The following TTC39A variants were observed in gnomAD, a reference collection of about 807,000 sequenced individuals.
TTC39A encodes the protein tetratricopeptide repeat protein 39A.
A neutral mutation model predicts 82.3 loss-of-function variants in TTC39A; 46 were observed. That is an observed-to-expected ratio of 0.56 (90% confidence interval 0.44 to 0.71). The LOEUF (loss-of-function observed/expected upper bound fraction) is 0.71, where lower values mean the gene tolerates loss of function less well. Ranked by LOEUF, TTC39A falls within the 30% of genes least tolerant of loss-of-function variation. The probability of loss-of-function intolerance (pLI) is 0.00; values close to 1 mark genes in which losing one functional copy is unlikely to be tolerated. For missense variants in TTC39A, 543 were observed against 712.9 expected, an observed-to-expected ratio of 0.76 and a Z score of 2.71; for synonymous variants, 254 against 275.2, an observed-to-expected ratio of 0.92 and a Z score of 0.76.
chr1:51,305,207 A>G, intron 7 of TTC39A, 61 bp from the exon 8 acceptor site: 1 of 1,535,640 alleles, frequency 6.5e-7, no homozygotes, highest in Non-Finnish European at 9.0e-7. Flanking sequence ...GGCCACCCCC[A>G]CTGTCCCAAG....
At position 51,321,176 on chromosome 1, in the gene TTC39A, A is replaced by C. The variant is rs1173850786; in HGVS notation, c.146+545T>G. ...AGCGTGAGCCACCACGCCCAGCCCA[A>C]TAAATGTTTTAAAGTGATAAGAAAG... On this transcript the variant is annotated intron_variant, in intron 2 of 17. Transcript: ENST00000680483. This position sits in a 1 kb window ranked among gnomAD's most constrained non-coding sequence, Gnocchi z 4.6. Among the ~76,000 whole-genome samples, 1 of 152,224 alleles carries C rather than the reference A, an allele frequency of 6.6e-6. No homozygotes were observed. The highest frequency in any genetic ancestry group is 2.4e-5 in the African/African-American group (1 of 41,454).
rs774311868 is a variant in TTC39A at position 51,311,286 on chromosome 1, G to A, written c.391C>T (p.Leu131=). 6.9e-6 allele frequency: 11 copies of A among 1,587,536 alleles called. No homozygotes were observed. The highest frequency in any genetic ancestry group is 1.8e-5 in the Admixed American group (1 of 55,942). Residue 131 remains leucine (L), a synonymous_variant, in exon 5 of 18, where the codon CTG becomes TTG. Coordinates refer to ENST00000680483, the MANE Select transcript of TTC39A (RefSeq NM_001297663.2). ...IHAEVCYAEC[L]LQRAALTFLQ... ...AAGGTCAGGGCTGCTCGCTGCAGCA[G>A]GCACTCTGCATAGCAGACCTCAGCG...
At chr1:51,299,424 A>AG (rs757762040) in intron 12 of TTC39A, 3 of 152,244 alleles carry the variant, frequency 2.0e-5, no homozygotes, top group Admixed American at 2.0e-4. Flanking sequence ...ATCCTGGCAG[A>AG]GGGGGGCGCT....
At chr1:51,344,915 C>T (rs79266992) in intron 1 of TTC39A, 113,772 of 1,498,134 alleles carry the variant, frequency 0.076, 4,983 homozygotes, top group Non-Finnish European at 0.089. Context: ...GCTGTTTCCC[C>T]GACGTCGGCT....
intron 2 of TTC39A, among the ~76,000 whole-genome samples, chr1:51,316,552 G>A (rs531695450): frequency 1.2e-3 from 176 of 152,280 alleles, no homozygotes; most frequent in African/African-American, 4.1e-3. Context: ...CACTGCCACT[G>A]AGCAATGCTG....
chr1:51,300,265 T>C (rs974805936), intron 12 of TTC39A: 1 of 152,166 alleles, frequency 6.6e-6, no homozygotes, highest in Non-Finnish European at 1.5e-5. Flanking sequence ...GTGCCAGACA[T>C]GTTGAGAGCT....
At chr1:51,302,611 C>T (rs1473154361) in intron 9 of TTC39A, 38 bp from the exon 10 acceptor site, 1 of 1,569,974 alleles carries the variant, frequency 6.4e-7, no homozygotes, top group South Asian at 1.2e-5. Context: ...AACATGTCAC[C>T]ACCCCTGGCT....
chr1:51,291,152 G>A (rs1219398638), intron 14 of TTC39A, among the ~76,000 whole-genome samples: 2 of 152,120 alleles, frequency 1.3e-5, no homozygotes, highest in Admixed American at 1.3e-4. Flanking sequence ...AAACACATCT[G>A]ATTCCTTTTA....
At chr1:51,336,381 A>C (rs535173454) in intron 1 of TTC39A, among the ~76,000 whole-genome samples, 1 of 152,102 alleles carries the variant, frequency 6.6e-6, no homozygotes, top group Admixed American at 6.5e-5. Flanking sequence ...CCCACCAGAT[A>C]TAAAGGGGAG....
chr1:51,331,202 G>A (rs748138188), upstream of TTC39A: 27 of 1,550,144 alleles, frequency 1.7e-5, no homozygotes, highest in Non-Finnish European at 2.4e-5. Context: ...TGAATCCAAA[G>A]CCAACACTCT....
intron 4 of TTC39A, among the ~76,000 whole-genome samples, chr1:51,311,563 C>T (rs1557723838): frequency 2.0e-5 from 3 of 152,164 alleles, no homozygotes; most frequent in African/African-American, 7.2e-5. Flanking sequence ...CACTGTGGGG[C>T]GTTAGAACCT....
At chr1:51,317,540 G>A (rs1645333565) in intron 2 of TTC39A, among the ~76,000 whole-genome samples, 2 of 152,262 alleles carry the variant, frequency 1.3e-5, no homozygotes, top group South Asian at 4.1e-4. Flanking sequence ...CCTGAGGTCA[G>A]GAGTTGGAGG....
chr1:51,342,322 T>C (rs1363789472), intron 1 of TTC39A, among the ~76,000 whole-genome samples: 5 of 152,232 alleles, frequency 3.3e-5, no homozygotes, highest in Admixed American at 1.3e-4. Flanking sequence ...GAAGGAAGAT[T>C]ACCTCATAAC....
At chr1:51,306,137 A>G (rs1257877404) in intron 6 of TTC39A, 61 bp from the exon 7 acceptor site, 1 of 1,425,278 alleles carries the variant, frequency 7.0e-7, no homozygotes, top group African/African-American at 1.4e-5. Flanking sequence ...AGGGGCTGGG[A>G]CCCCTTCCAG....
At chr1:51,325,506 G>A (rs753265213) in intron 1 of TTC39A, among the ~76,000 whole-genome samples, 12 of 152,168 alleles carry the variant, frequency 7.9e-5, no homozygotes, top group Non-Finnish European at 1.6e-4. Flanking sequence ...TACTGCCTGG[G>A]TGTTTAACTG....
chr1:51,335,914 C>T (rs117543067), upstream of TTC39A, among the ~76,000 whole-genome samples: 106 of 152,232 alleles, frequency 7.0e-4, 2 homozygotes, highest in East Asian at 0.019. Flanking sequence ...ATAATAATCC[C>T]AAACTCTCAG....
intron 14 of TTC39A, among the ~76,000 whole-genome samples, chr1:51,291,407 C>T (rs912880729): frequency 2.0e-5 from 3 of 151,794 alleles, no homozygotes; most frequent in Non-Finnish European, 1.5e-5. Context: ...AGGAGAATCA[C>T]TTGAATCCAG....
At chr1:51,344,041 T>C (rs1473941542) in intron 1 of TTC39A, among the ~76,000 whole-genome samples, 4 of 151,610 alleles carry the variant, frequency 2.6e-5, no homozygotes, top group Non-Finnish European at 5.9e-5. Context: ...TTGAGAGAAG[T>C]TGGGAGGTAA....
chr1:51,341,700 C>T (rs1260035407), intron 1 of TTC39A, among the ~76,000 whole-genome samples: 1 of 152,000 alleles, frequency 6.6e-6, no homozygotes, highest in East Asian at 1.9e-4. Flanking sequence ...GGATTAAAAG[C>T]TTCAACACAC....
Sources: gnomAD v4.1 joint callset for allele counts (sites outside exome capture counted in the v4.1 genomes callset) on GRCh38, gnomAD v4.1.1 for gene constraint, Gnocchi (gnomAD v3.1) non-coding constraint, MANE v1.5 for transcripts, NCBI Gene and HGNC (gene_info 2026-07-23, HGNC 2026-07-21) for gene names.